The following NET1 variants were observed in gnomAD, a reference collection of about 807,000 sequenced individuals.
NET1 encodes neuroepithelial cell-transforming gene 1 protein.
In NET1, 42 loss-of-function variants were observed where a neutral mutation model predicts 61.1. The observed-to-expected ratio is 0.69, with a 90% CI of 0.54 to 0.89. NET1 has a LOEUF of 0.89. Ranked by LOEUF, NET1 falls within the 40% of genes least tolerant of loss-of-function variation. NET1 has a pLI of 0.00. For missense variants in NET1, 654 were observed against 747.3 expected, an observed-to-expected ratio of 0.88 and a Z score of 1.46; for synonymous variants, 254 against 281.8, an observed-to-expected ratio of 0.90 and a Z score of 0.99.
chr10:5,420,664 C>T lies in NET1; in HGVS notation c.129-5991C>T, dbSNP rs182116106. Among the ~76,000 whole-genome samples the T allele has an allele frequency of 1.9e-3, 289 of 152,188 alleles. 3 individuals carry two copies. The highest frequency in any genetic ancestry group is 0.01 in the East Asian group (53 of 5,176). ...AGGCTGGAGTGCAGTGGCGCGATCT[C>T]GGCTCACTGTAGCCTCCGACTCCCT... On this transcript the variant is annotated intron_variant, in intron 1 of 11. Coordinates refer to ENST00000355029, the MANE Select transcript of NET1 (RefSeq NM_001047160.3). The surrounding 1 kb of genome is among the most constrained non-coding windows in gnomAD (Gnocchi z 5.3).
chr10:5,445,543 GA>G (rs1210619515), intron 3 of NET1, among the ~76,000 whole-genome samples: 1 of 152,116 alleles, frequency 6.6e-6, no homozygotes, highest in African/African-American at 2.4e-5. Flanking sequence ...CCTCAGACTA[GA>G]AATATTTTTC....
At chr10:5,425,268 AAACAAC>A (rs137868959) in intron 1 of NET1, among the ~76,000 whole-genome samples, 2 of 151,956 alleles carry the variant, frequency 1.3e-5, no homozygotes, top group Non-Finnish European at 2.9e-5. Context: ...AAAAAAACAA[AAACAAC>A]AACAACAACA....
At chr10:5,448,346 A>G (rs1456714925) in intron 3 of NET1, among the ~76,000 whole-genome samples, 6 of 152,216 alleles carry the variant, frequency 3.9e-5, no homozygotes, top group Non-Finnish European at 7.3e-5. Flanking sequence ...AACCTGAAAA[A>G]TACTTTAACT....
In NET1 at chr10:5,444,500, C is replaced by G. The variant is rs1832573685; in HGVS notation, c.256-7330C>G. 6.6e-6 allele frequency among the ~76,000 whole-genome samples: 1 copy of G among 152,218 alleles called. No homozygotes were observed. The highest frequency in any genetic ancestry group is 2.4e-5 in the African/African-American group (1 of 41,448). ...TCCACTGAAATAGCACACTTGAGAT[C>G]CTCATTAAACTTGTAATCACTAAAT... On this transcript the variant is annotated intron_variant, in intron 3 of 11. Transcript: ENST00000355029. This position sits in a 1 kb window ranked among gnomAD's most constrained non-coding sequence, Gnocchi z 5.3.
chr10:5,433,191 A>G (rs2119183857), intron 3 of NET1, among the ~76,000 whole-genome samples: 1 of 152,262 alleles, frequency 6.6e-6, no homozygotes, highest in South Asian at 2.1e-4. Context: ...TCTTAGTTCT[A>G]CTGGTAAATA....
In NET1 at chr10:5,412,762, A is replaced by G. The variant is rs1219623712; in HGVS notation, c.70A>G (p.Ser24Gly). 6.8e-7 allele frequency: 1 copy of G among 1,471,972 alleles called. No homozygotes were observed. The highest frequency in any genetic ancestry group is 9.0e-7 in the Non-Finnish European group (1 of 1,116,204). The allele number at this position is 1,471,972 out of a possible 1,614,324, so 91.2% of individuals were successfully genotyped here. The change falls in exon 1 of 12, where the codon AGC becomes GGC. Residue 24 changes from serine to glycine, a missense_variant. Physicochemically the swap from Ser to Gly is moderately conservative, Grantham distance 56. Coordinates refer to ENST00000355029, the MANE Select transcript of NET1 (RefSeq NM_001047160.3). This position sits in a 1 kb window ranked among gnomAD's most constrained non-coding sequence, Gnocchi z 6.5. The part of the protein sequence containing the change: ...RRRSRRASGL[S>G]TEGATGPSAD... ...GCGAAGCCGCCGGGCCTCTGGGCTC[A>G]GCACGGAGGGAGCGACGGGGCCTTC... is the stretch of plus-strand genomic sequence containing the variant.
At chr10:5,432,026 C>A (rs1412756344) in intron 3 of NET1, among the ~76,000 whole-genome samples, 3 of 152,090 alleles carry the variant, frequency 2.0e-5, no homozygotes, top group Non-Finnish European at 4.4e-5. Context: ...TTAATAGCCT[C>A]CTTGTCTTCT....
rs1564458646 is a variant in NET1, at chr10:5,423,253, T to A, written c.129-3402T>A. On this transcript the variant is annotated intron_variant, in intron 1 of 11. Transcript: ENST00000355029. The surrounding 1 kb of genome is among the most constrained non-coding windows in gnomAD (Gnocchi z 4.4). ...GGTAATAGTAATTTTCAATACGTTT[T>A]TTGAAAATATTTATAATTTCAGGTC... Among the ~76,000 whole-genome samples, 1 of 152,214 alleles carries A rather than the reference T, an allele frequency of 6.6e-6. No individual in the cohort carries two copies. The highest frequency in any genetic ancestry group is 1.9e-4 in the East Asian group (1 of 5,206).
At position 5,426,151 on chromosome 10, in the gene NET1, T is replaced by C. The variant is rs1433282201; in HGVS notation, c.129-504T>C. ...TCAAATGTAGTTATTCATAGCTTTG[T>C]ATTTTGTTTGTTAAATTGCAGTTTT... On this transcript the variant is annotated intron_variant, in intron 1 of 11. Coordinates refer to ENST00000355029, the MANE Select transcript of NET1 (RefSeq NM_001047160.3). This position sits in a 1 kb window ranked among gnomAD's most constrained non-coding sequence, Gnocchi z 4.6. Among the ~76,000 whole-genome samples the C allele has an allele frequency of 1.3e-5, 2 of 152,230 alleles. No homozygotes were observed. The highest frequency in any genetic ancestry group is 2.9e-5 in the Non-Finnish European group (2 of 68,028).
At position 5,455,626 on chromosome 10, in the gene NET1, A is replaced by T. The variant is rs1832783939; in HGVS notation, c.1198-461A>T. ...CAATTTATAAGTTGGAGTTTTGTTT[A>T]AAAAAATTTGAAATCTGACATCTTT... On this transcript the variant is annotated intron_variant, in intron 10 of 11. Coordinates refer to ENST00000355029, the MANE Select transcript of NET1 (RefSeq NM_001047160.3). This position sits in a 1 kb window ranked among gnomAD's most constrained non-coding sequence, Gnocchi z 6.5. Among the ~76,000 whole-genome samples the T allele has an allele frequency of 2.6e-5, 4 of 152,364 alleles. No homozygotes were observed. The South Asian group carries it at 8.3e-4, about 32-fold the overall frequency.
rs953866263 is a variant in NET1, at chr10:5,426,926, T to C, written c.195+205T>C. 1.3e-5 allele frequency among the ~76,000 whole-genome samples: 2 copies of C among 152,182 alleles called. No homozygotes were observed. Among genetic ancestry groups the C allele is most frequent in the Admixed American group, 1.3e-4 (2 of 15,280 alleles). On this transcript the variant is annotated intron_variant, in intron 2 of 11. Coordinates refer to ENST00000355029, the MANE Select transcript of NET1 (RefSeq NM_001047160.3). The surrounding 1 kb of genome is among the most constrained non-coding windows in gnomAD (Gnocchi z 4.6). ...TTGTTTCAAGTAAATATAAAACATA[T>C]TTTGCAAAGTACTCACATCTATTAA...
chr10:5,419,593 T>C (rs536325887), intron 1 of NET1, among the ~76,000 whole-genome samples: 73 of 152,372 alleles, frequency 4.8e-4, no homozygotes, highest in African/African-American at 1.7e-3. Context: ...GGGTTTTGTA[T>C]GTGAACTCAG....
rs1303463658 is a variant in NET1, at chr10:5,424,721, C to CT, written c.129-1933dup. 4.6e-5 allele frequency among the ~76,000 whole-genome samples: 7 copies of CT among 152,208 alleles called. No individual in the cohort carries two copies. The highest frequency in any genetic ancestry group is 1.4e-4 in the African/African-American group (6 of 41,546). ...TTTAAATATCTTAAGATCTTTGCAT[C>CT]TAATTTCTGTTAGTGGCATCATATT... On this transcript the variant is annotated intron_variant, in intron 1 of 11. Transcript: ENST00000355029. This position sits in a 1 kb window ranked among gnomAD's most constrained non-coding sequence, Gnocchi z 6.1.
Position 5,456,074 on chromosome 10 carries a change from C to T in NET1, c.1198-13C>T. 6.2e-7 allele frequency: 1 copy of T among 1,600,250 alleles called. No individual in the cohort carries two copies. Among genetic ancestry groups the T allele is most frequent in the Non-Finnish European group, 8.5e-7 (1 of 1,171,722 alleles). On this transcript the variant is annotated splice_polypyrimidine_tract_variant and intron_variant, in intron 10 of 11. Transcript: ENST00000355029. This position sits in a 1 kb window ranked among gnomAD's most constrained non-coding sequence, Gnocchi z 7.0. ...CAAGTTTCCTATTTAGCGTTTGTTT[C>T]CCATTTCTCCAGAAACTTTACATTT...
chr10:5,446,843 C>T lies in NET1; in HGVS notation c.256-4987C>T, dbSNP rs200285555. On this transcript the variant is annotated intron_variant, in intron 3 of 11. Transcript: ENST00000355029. This position sits in a 1 kb window ranked among gnomAD's most constrained non-coding sequence, Gnocchi z 5.0. ...GAGTCCTAGATGTCAATAACCAGTC[C>T]TTCAGAGAACAAGAGGTAAGACTTT... The T allele has an allele frequency of 6.2e-7, 1 of 1,609,646 alleles. No individual in the cohort carries two copies. The highest frequency in any genetic ancestry group is 2.2e-5 in the East Asian group (1 of 44,796).
rs577566692 is a variant in NET1 at position 5,446,228 on chromosome 10, CT to C, written c.256-5598del. Among the ~76,000 whole-genome samples, 5 of 152,232 alleles carry C rather than the reference CT, an allele frequency of 3.3e-5. No individual in the cohort carries two copies. In the South Asian group the frequency reaches 8.3e-4, roughly 25 times the overall value. On this transcript the variant is annotated intron_variant, in intron 3 of 11. Transcript: ENST00000355029. This position sits in a 1 kb window ranked among gnomAD's most constrained non-coding sequence, Gnocchi z 5.0. Reference sequence around the variant, plus strand: ...AAAGCAGGTTTCCTGGAAAATTAGGCTTTTCTTCATTATATATGTTGATTCA... The same window carrying C: ...AAAGCAGGTTTCCTGGAAAATTAGGCTTTCTTCATTATATATGTTGATTCA...
At position 5,449,714 on chromosome 10, in the gene NET1, T is replaced by C. The variant is rs1292952574; in HGVS notation, c.256-2116T>C. ...TGGTCCTATAAAGATAATAAATTTT[T>C]ATCATTAATTTGATTTTATGTGATA... On this transcript the variant is annotated intron_variant, in intron 3 of 11. Coordinates refer to ENST00000355029, the MANE Select transcript of NET1 (RefSeq NM_001047160.3). This position sits in a 1 kb window ranked among gnomAD's most constrained non-coding sequence, Gnocchi z 4.4. 6.6e-6 allele frequency among the ~76,000 whole-genome samples: 1 copy of C among 152,350 alleles called. No homozygotes were observed. The highest frequency in any genetic ancestry group is 1.9e-4 in the East Asian group (1 of 5,192).
intron 1 of NET1, among the ~76,000 whole-genome samples, chr10:5,414,005 C>T (rs1450843736): frequency 6.6e-6 from 1 of 152,044 alleles, no homozygotes; most frequent in African/African-American, 2.4e-5. Context: ...GAAATGATTT[C>T]CTATTGTAAT....
At position 5,456,789 on chromosome 10, in the gene NET1, C is replaced by T. The variant is rs77930344; in HGVS notation, c.1586C>T (p.Ala529Val). 5.4e-3 allele frequency: 8,644 copies of T among 1,612,852 alleles called. 260 individuals are homozygous for T. The East Asian group carries it at 0.083, about 16-fold the overall frequency. Residue 529 changes from alanine to valine, a missense_variant, in exon 12 of 12, where the codon GCG becomes GTG. Coordinates refer to ENST00000355029, the MANE Select transcript of NET1 (RefSeq NM_001047160.3). This position sits in a 1 kb window ranked among gnomAD's most constrained non-coding sequence, Gnocchi z 7.0. ...GAGTGTGAGGGGAACCACCCCTCTGCGAGGAAACTCACAGCCCAGAGGAGG... is the reference window on the plus strand; with the variant it reads ...GAGTGTGAGGGGAACCACCCCTCTGTGAGGAAACTCACAGCCCAGAGGAGG... ...HEECEGNHPS[A>V]RKLTAQRRAS...
Sources: gnomAD v4.1 joint callset for allele counts (sites outside exome capture counted in the v4.1 genomes callset) on GRCh38, gnomAD v4.1.1 for gene constraint, Gnocchi (gnomAD v3.1) non-coding constraint, MANE v1.5 for transcripts, NCBI Gene and HGNC (gene_info 2026-07-23, HGNC 2026-07-21) for gene names.